ZNF804A: variants seen among roughly 807,000 people sequenced by gnomAD.
ZNF804A encodes the protein zinc finger protein 804A.
ZNF804A carries 2 observed loss-of-function variants against 16.5 expected under a neutral mutation model. That is an observed-to-expected ratio of 0.12 (90% CI 0.05 to 0.38). ZNF804A has a LOEUF of 0.38. ZNF804A is among the 10% of genes least tolerant of loss of function. The pLI is 0.99. For missense variants in ZNF804A, 1,473 were observed against 1,390.7 expected (o/e 1.06, Z -0.94); for synonymous variants, 534 against 489.6 (o/e 1.09, Z -1.20).
At chr2:184,607,131 C>T (rs1419599212) in intron 1 of ZNF804A, among the ~76,000 whole-genome samples, 1 of 152,122 alleles carries the variant, frequency 6.6e-6, no homozygotes, top group African/African-American at 2.4e-5. Context: ...TTCTCTCTCT[C>T]AATCAACACA....
chr2:184,934,947 A>G (rs1381402586), intron 3 of ZNF804A, among the ~76,000 whole-genome samples: 1 of 152,118 alleles, frequency 6.6e-6, no homozygotes, highest in Non-Finnish European at 1.5e-5. Context: ...GGAAATATCC[A>G]ACTAAAATTT....
chr2:184,836,682 T>C (rs1223717406), intron 1 of ZNF804A, among the ~76,000 whole-genome samples: 3 of 140,748 alleles, frequency 2.1e-5, no homozygotes, highest in Admixed American at 6.9e-5. Flanking sequence ...TTTGTGTGTG[T>C]GTATATATAT....
intron 1 of ZNF804A, among the ~76,000 whole-genome samples, chr2:184,854,413 T>TA (rs147475491): frequency 0.05 from 7,648 of 152,086 alleles, 251 homozygotes; most frequent in Middle Eastern, 0.078. Flanking sequence ...GCAGGCCAGA[T>TA]ATGCCAACAA....
Position 184,938,807 on chromosome 2 carries a change from T to A in ZNF804A, c.3411T>A (p.Ala1137=), listed in dbSNP as rs780126218. 5.6e-6 allele frequency: 9 copies of A among 1,613,620 alleles called. No individual in the cohort carries two copies. In the South Asian group the frequency reaches 9.9e-5, roughly 18 times the overall value. The part of the protein sequence containing the change: ...PHQQFLSQIP[A]LTRTSLPQLS... ...AACAGTTTCTTTCCCAAATCCCAGC[T>A]CTCACCAGAACCTCATTACCTCAGC... The change falls in exon 4 of 4, where the codon GCT becomes GCA. Residue 1137 remains alanine, a synonymous_variant. Coordinates refer to ENST00000302277, the MANE Select transcript of ZNF804A (RefSeq NM_194250.2).
At chr2:184,645,936 A>G (rs963732233) in intron 1 of ZNF804A, among the ~76,000 whole-genome samples, 5 of 152,136 alleles carry the variant, frequency 3.3e-5, no homozygotes, top group African/African-American at 1.2e-4. Context: ...TCACCTTTCC[A>G]CTGGGCTTTT....
chr2:184,927,431 T>C (rs923279311), intron 2 of ZNF804A, among the ~76,000 whole-genome samples: 2 of 151,966 alleles, frequency 1.3e-5, no homozygotes, highest in Non-Finnish European at 2.9e-5. Flanking sequence ...ACCACTGGGA[T>C]TGCACTGGGT....
At chr2:184,797,333 G>C (rs1694648692) in intron 1 of ZNF804A, among the ~76,000 whole-genome samples, 1 of 152,128 alleles carries the variant, frequency 6.6e-6, no homozygotes, top group Non-Finnish European at 1.5e-5. Context: ...ATATGTTTAA[G>C]ATTGTGTTAT....
At chr2:184,729,745 C>G (rs1333948032) in intron 1 of ZNF804A, among the ~76,000 whole-genome samples, 1 of 152,096 alleles carries the variant, frequency 6.6e-6, no homozygotes, top group Non-Finnish European at 1.5e-5. Flanking sequence ...GCACTTATTA[C>G]TATAGTGTCT....
chr2:184,937,481 G>T lies in ZNF804A; in HGVS notation c.2085G>T (p.Lys695Asn), dbSNP rs753566392. 3 of 1,480,852 alleles carry T rather than the reference G, an allele frequency of 2.0e-6. No homozygotes were observed. The highest frequency in any genetic ancestry group is 2.8e-6 in the Non-Finnish European group (3 of 1,084,480). 91.7% of individuals were successfully genotyped at this position (1,480,852 alleles called of 1,614,324 possible). A position where few individuals can be genotyped will look rare whatever the true frequency, so the allele number is the denominator to read the frequency against. Reference protein sequence around the residue: ...DTISSKNHCKKNTILLNGQSN... With the variant: ...DTISSKNHCKNNTILLNGQSN... Reference sequence around the variant, plus strand: ...TCAGTTCTAAAAACCACTGTAAAAAGAACACAATACTTTTAAATGGACAAT... The same window carrying T: ...TCAGTTCTAAAAACCACTGTAAAAATAACACAATACTTTTAAATGGACAAT... The change falls in exon 4 of 4, where the codon AAG becomes AAT. Residue 695 changes from lysine to asparagine, a missense_variant. Transcript: ENST00000302277.
At chr2:184,809,345 G>T (rs1694857835) in intron 1 of ZNF804A, among the ~76,000 whole-genome samples, 1 of 151,686 alleles carries the variant, frequency 6.6e-6, no homozygotes, top group Admixed American at 6.6e-5. Context: ...GAAAGTGAAT[G>T]GAGGAAAGAA....
intron 1 of ZNF804A, among the ~76,000 whole-genome samples, chr2:184,632,578 G>C (rs1363421802): frequency 3.3e-5 from 5 of 152,082 alleles, no homozygotes; most frequent in African/African-American, 4.8e-5. Flanking sequence ...GTATTTTTTA[G>C]TAGATACAAG....
In ZNF804A at chr2:184,938,451, A is replaced by G; in HGVS notation, c.3055A>G (p.Thr1019Ala). The change falls in exon 4 of 4, where the codon ACA (threonine) becomes GCA (alanine). Residue 1019 changes from threonine (T) to alanine (A), a missense_variant. Thr to Ala is a moderately conservative substitution (Grantham distance 58). Transcript: ENST00000302277. ...EAHVSGHTFV[T>A]AEQILAPLAL... ...ACATGTCAGTGGTCATACTTTTGTA[A>G]CAGCTGAGCAAATCCTGGCTCCATT... is the stretch of plus-strand genomic sequence containing the variant. The G allele has an allele frequency of 6.2e-7, 1 of 1,614,108 alleles. No homozygotes were observed. Among genetic ancestry groups the G allele is most frequent in the East Asian group, 2.2e-5 (1 of 44,860 alleles).
chr2:184,842,389 C>T (rs751328477), intron 1 of ZNF804A, among the ~76,000 whole-genome samples: 4 of 152,128 alleles, frequency 2.6e-5, no homozygotes, highest in African/African-American at 7.2e-5. Flanking sequence ...TGATGTGACA[C>T]CTACAGTGTC....
At chr2:184,898,573 A>G (rs564972547) in intron 2 of ZNF804A, among the ~76,000 whole-genome samples, 32 of 152,230 alleles carry the variant, frequency 2.1e-4, no homozygotes, top group African/African-American at 7.5e-4. Flanking sequence ...TATAGATAGT[A>G]AGAAATAGAA....
At chr2:184,775,022 A>G (rs887718471) in intron 1 of ZNF804A, among the ~76,000 whole-genome samples, 1 of 151,662 alleles carries the variant, frequency 6.6e-6, no homozygotes, top group African/African-American at 2.4e-5. Context: ...TAATGGCATG[A>G]TTGCCTTAGT....
At chr2:184,719,175 C>A (rs1356558455) in intron 1 of ZNF804A, among the ~76,000 whole-genome samples, 2 of 152,286 alleles carry the variant, frequency 1.3e-5, no homozygotes, top group East Asian at 3.9e-4. Flanking sequence ...AAGCAATAGT[C>A]TGAGCTGTAC....
At chr2:184,879,638 G>T (rs567686841) in intron 2 of ZNF804A, among the ~76,000 whole-genome samples, 1 of 152,010 alleles carries the variant, frequency 6.6e-6, no homozygotes, top group South Asian at 2.1e-4. Context: ...AGGAAAAAGA[G>T]TCTAAAAGAT....
chr2:184,850,266 T>G (rs543903678), intron 1 of ZNF804A, among the ~76,000 whole-genome samples: 1 of 152,064 alleles, frequency 6.6e-6, no homozygotes, highest in African/African-American at 2.4e-5. Context: ...CTTGAGGTGA[T>G]GGATACTCCA....
At chr2:184,711,831 A>T (rs1388022111) in intron 1 of ZNF804A, among the ~76,000 whole-genome samples, 1 of 151,438 alleles carries the variant, frequency 6.6e-6, no homozygotes, top group African/African-American at 2.4e-5. Context: ...CTGTTCCATT[A>T]TTCTGTCTGT....
Sources: allele counts gnomAD v4.1 joint callset (sites outside exome capture counted in the v4.1 genomes callset), GRCh38; gene constraint gnomAD v4.1.1; transcripts MANE v1.5; gene names NCBI Gene and HGNC (gene_info 2026-07-23, HGNC 2026-07-21).